C9: variants seen among roughly 807,000 people sequenced by gnomAD.
The protein encoded by C9 is complement component C9.
A neutral mutation model predicts 65.4 loss-of-function variants in C9; 63 were observed. The observed-to-expected ratio is 0.96, with a 90% CI of 0.79 to 1.19. The LOEUF is 1.19. Ranked by LOEUF, C9 falls within the 50% of genes most tolerant of loss-of-function variation. The probability of loss-of-function intolerance (pLI) is 0.00; values close to 1 mark genes in which losing one functional copy is unlikely to be tolerated. For missense variants in C9, 744 were observed against 670.1 expected, an observed-to-expected ratio of 1.11 and a Z score of -1.22; for synonymous variants, 229 against 227.9, an observed-to-expected ratio of 1.00 and a Z score of -0.04.
intron 5 of C9, among the ~76,000 whole-genome samples, chr5:39,327,396 C>T (rs1329287267): frequency 6.6e-6 from 1 of 152,048 alleles, no homozygotes. Flanking sequence ...AAGGCAGTGG[C>T]AGTGGGAATG....
At chr5:39,325,876 T>C (rs543132514) in intron 5 of C9, among the ~76,000 whole-genome samples, 101 of 152,044 alleles carry the variant, frequency 6.6e-4, no homozygotes, top group Middle Eastern at 3.2e-3. Flanking sequence ...TCAAATAATC[T>C]CCTTGTTGTA....
chr5:39,337,158 A>C (rs1218039767), intron 4 of C9, among the ~76,000 whole-genome samples: 2 of 152,220 alleles, frequency 1.3e-5, no homozygotes, highest in African/African-American at 4.8e-5. Flanking sequence ...ACATGTACGT[A>C]TGGAAGTTGA....
rs760885104 is a variant in C9 at position 39,306,571 on chromosome 5, A to T, written c.1416+46T>A. Reference sequence around the variant, plus strand: ...CACCTGAAACAATGTGACATTTAATAAAAAAATGACACAGTCTTCTGTTTG... The same window carrying T: ...CACCTGAAACAATGTGACATTTAATTAAAAAATGACACAGTCTTCTGTTTG... On this transcript the variant is annotated intron_variant, in intron 9 of 10. Transcript: ENST00000263408. 5.6e-6 allele frequency: 8 copies of T among 1,434,130 alleles called. No individual in the cohort carries two copies. In the East Asian group the frequency reaches 1.6e-4, roughly 29 times the overall value. 88.8% of individuals were successfully genotyped at this position (1,434,130 alleles called of 1,614,324 possible).
chr5:39,300,405 C>T (rs572784929), intron 9 of C9, among the ~76,000 whole-genome samples: 77 of 151,520 alleles, frequency 5.1e-4, no homozygotes, highest in African/African-American at 1.7e-3. Context: ...GAGTGAGACT[C>T]GATCTTTAAA....
rs545474458 is a variant in C9 at position 39,334,385 on chromosome 5, C to T, written c.477-2571G>A. 6.8e-3 allele frequency among the ~76,000 whole-genome samples: 1,015 copies of T among 150,060 alleles called. 27 individuals are homozygous for T. Among genetic ancestry groups the T allele is most frequent in the African/African-American group, 0.023 (904 of 40,172 alleles). On this transcript the variant is annotated intron_variant, in intron 4 of 10. Coordinates refer to ENST00000263408, the MANE Select transcript of C9 (RefSeq NM_001737.5). ...GAGACCCTCTGCCTGGCAACCGCCC[C>T]GTCTGAGAAGTGAGGAGCCCCTCCG...
chr5:39,352,752 T>G (rs1754343522), intron 1 of C9, among the ~76,000 whole-genome samples: 1 of 152,230 alleles, frequency 6.6e-6, no homozygotes, highest in Non-Finnish European at 1.5e-5. Context: ...CAGAGGGGTC[T>G]TTTAAAAATG....
chr5:39,347,063 T>G (rs1754211359), intron 1 of C9, among the ~76,000 whole-genome samples: 2 of 152,188 alleles, frequency 1.3e-5, no homozygotes, highest in African/African-American at 4.8e-5. Flanking sequence ...ACAGCCAATA[T>G]CATACTGAAT....
chr5:39,298,482 A>C (rs1310768213), intron 9 of C9, among the ~76,000 whole-genome samples: 1 of 151,802 alleles, frequency 6.6e-6, no homozygotes, highest in Non-Finnish European at 1.5e-5. Flanking sequence ...ACAGGATATC[A>C]CTATAGAATC....
At chr5:39,294,500 C>T (rs1053359315) in intron 9 of C9, among the ~76,000 whole-genome samples, 3 of 151,738 alleles carry the variant, frequency 2.0e-5, no homozygotes, top group Admixed American at 6.6e-5. Flanking sequence ...TACAACCTCT[C>T]GAGTTTGAAC....
chr5:39,325,129 AT>A (rs1407525986), intron 5 of C9, among the ~76,000 whole-genome samples: 1 of 152,206 alleles, frequency 6.6e-6, no homozygotes, highest in African/African-American at 2.4e-5. Flanking sequence ...TTAAAATTTT[AT>A]TTGTACAAAT....
At chr5:39,362,285 C>T (rs1754535444) in intron 1 of C9, among the ~76,000 whole-genome samples, 1 of 151,982 alleles carries the variant, frequency 6.6e-6, no homozygotes, top group Admixed American at 6.6e-5. Flanking sequence ...GGCCCTAATC[C>T]AATATGACTG....
chr5:39,351,550 T>C (rs1754321793), intron 1 of C9, among the ~76,000 whole-genome samples: 1 of 152,212 alleles, frequency 6.6e-6, no homozygotes, highest in South Asian at 2.1e-4. Context: ...CTGAACACTT[T>C]GTTGCTTAGA....
intron 1 of C9, among the ~76,000 whole-genome samples, chr5:39,360,619 A>G (rs1380058166): frequency 1.3e-5 from 2 of 152,218 alleles, no homozygotes; most frequent in Non-Finnish European, 2.9e-5. Flanking sequence ...AGGAGACTCA[A>G]TAGAACAATG....
At chr5:39,355,478 G>A (rs539331492) in intron 1 of C9, among the ~76,000 whole-genome samples, 1 of 151,162 alleles carries the variant, frequency 6.6e-6, no homozygotes, top group South Asian at 2.1e-4. Flanking sequence ...TTTATTAAAA[G>A]TATGACTCAC....
intron 1 of C9, among the ~76,000 whole-genome samples, chr5:39,363,681 A>T (rs1227629118): frequency 6.6e-6 from 1 of 152,206 alleles, no homozygotes; most frequent in Non-Finnish European, 1.5e-5. Flanking sequence ...ATGTGACCCT[A>T]ACCTCCACCA....
chr5:39,354,417 G>T (rs1754379133), intron 1 of C9, among the ~76,000 whole-genome samples: 1 of 152,100 alleles, frequency 6.6e-6, no homozygotes, highest in Admixed American at 6.6e-5. Flanking sequence ...TTGGCTCTAG[G>T]CATCAATGTT....
chr5:39,323,616 C>T lies in C9; in HGVS notation c.616-7587G>A, dbSNP rs569749528. Among the ~76,000 whole-genome samples the T allele has an allele frequency of 2.0e-5, 3 of 151,146 alleles. No individual in the cohort carries two copies. In the East Asian group the frequency reaches 5.8e-4, roughly 29 times the overall value. On this transcript the variant is annotated intron_variant, in intron 5 of 10. Transcript: ENST00000263408. The stretch of plus-strand genomic sequence containing the variant: ...AGAAAAAGCAGTCAATAAAATTCAA[C>T]GTCATTTAAAGATTAGAAAAACTCT...
chr5:39,327,111 A>G (rs1276657114), intron 5 of C9, among the ~76,000 whole-genome samples: 1 of 152,204 alleles, frequency 6.6e-6, no homozygotes, highest in Non-Finnish European at 1.5e-5. Context: ...TAGGAGAAGC[A>G]TTTTAGAAGA....
chr5:39,307,453 C>T (rs1193652972), intron 8 of C9, among the ~76,000 whole-genome samples: 1 of 152,054 alleles, frequency 6.6e-6, no homozygotes, highest in South Asian at 2.1e-4. Context: ...AGCTTAAGGA[C>T]CAAATATAGA....
Sources: allele counts gnomAD v4.1 joint callset (sites outside exome capture counted in the v4.1 genomes callset), GRCh38; gene constraint gnomAD v4.1.1; transcripts MANE v1.5; gene names NCBI Gene and HGNC (gene_info 2026-07-23, HGNC 2026-07-21).